FGF13: variants seen among roughly 807,000 people sequenced by gnomAD.
FGF13 encodes fibroblast growth factor homologous factor 2.
In FGF13, 2 loss-of-function variants were observed where a neutral mutation model predicts 19.5. The observed-to-expected ratio is 0.10, with a 90% confidence interval of 0.04 to 0.32. FGF13 has a LOEUF of 0.32. FGF13 is among the 10% of genes least tolerant of loss of function. The probability of loss-of-function intolerance (pLI) is 1.00; values close to 1 mark genes in which losing one functional copy is unlikely to be tolerated. For missense variants in FGF13, 113 were observed against 192.7 expected (o/e 0.59, Z 2.45); for synonymous variants, 72 against 76.9 (o/e 0.94, Z 0.33).
chrX:138,952,305 C>T (rs1238431889), intron 1 of FGF13, among the ~76,000 whole-genome samples: 1 of 111,409 alleles, frequency 9.0e-6, no homozygotes, highest in African/African-American at 3.3e-5. Flanking sequence ...TTTGACAAAC[C>T]TGACAAAAAC....
intron 1 of FGF13, among the ~76,000 whole-genome samples, chrX:138,918,092 ATAG>A (rs1196180656): frequency 9.0e-6 from 1 of 110,603 alleles, no homozygotes; most frequent in African/African-American, 3.3e-5. Context: ...ATACCAACAG[ATAG>A]TTTAACCATT....
chrX:138,927,414 G>A (rs2091679504), intron 1 of FGF13, among the ~76,000 whole-genome samples: 1 of 111,552 alleles, frequency 9.0e-6, no homozygotes, highest in African/African-American at 3.3e-5. Flanking sequence ...TGTGCTCCAT[G>A]AAATAGACCA....
chrX:139,137,057 G>T (rs2083806957), intron 1 of FGF13, among the ~76,000 whole-genome samples: 1 of 111,733 alleles, frequency 8.9e-6, no homozygotes, highest in Non-Finnish European at 1.9e-5. Flanking sequence ...ATTTAGATAG[G>T]TCATTCACCT....
intron 1 of FGF13, among the ~76,000 whole-genome samples, chrX:138,995,641 G>A (rs182221201): frequency 3.1e-4 from 35 of 112,350 alleles, no homozygotes; most frequent in Middle Eastern, 4.6e-3. Flanking sequence ...AGACATGATC[G>A]CATTTTTTAT....
At chrX:138,688,241 G>A (rs1388149708) in intron 3 of FGF13, among the ~76,000 whole-genome samples, 1 of 110,286 alleles carries the variant, frequency 9.1e-6, no homozygotes, top group Non-Finnish European at 1.9e-5. Flanking sequence ...GGGATTACAG[G>A]CATGAGCCAC....
chrX:138,805,421 CA>C (rs2090858840), intron 3 of FGF13, among the ~76,000 whole-genome samples: 1 of 111,481 alleles, frequency 9.0e-6, no homozygotes, highest in African/African-American at 3.3e-5. Context: ...AATCTAACTA[CA>C]AAAATGGCTG....
intron 1 of FGF13, among the ~76,000 whole-genome samples, chrX:138,871,296 A>C (rs1383686715): frequency 8.9e-6 from 1 of 112,075 alleles, no homozygotes; most frequent in Non-Finnish European, 1.9e-5. Flanking sequence ...ACCTTTCAAC[A>C]TTCTTCCAAC....
At chrX:138,773,363 T>C (rs1426940375) in intron 3 of FGF13, among the ~76,000 whole-genome samples, 1 of 111,878 alleles carries the variant, frequency 8.9e-6, no homozygotes, top group Non-Finnish European at 1.9e-5. Context: ...GGAGCAAAGG[T>C]GGACTTGACA....
At chrX:138,842,718 G>T (rs951565709) in intron 3 of FGF13, among the ~76,000 whole-genome samples, 2 of 110,864 alleles carry the variant, frequency 1.8e-5, no homozygotes, top group African/African-American at 3.3e-5. Context: ...AGGATGGGGT[G>T]CTACTGGCAT....
At chrX:138,931,179 C>T (rs1013792354) in intron 1 of FGF13, among the ~76,000 whole-genome samples, 10 of 112,112 alleles carry the variant, frequency 8.9e-5, no homozygotes, top group African/African-American at 3.2e-4. Flanking sequence ...ACCAGAATAC[C>T]TGTGCACTGG....
At chrX:138,649,894 C>T (rs113610770) in intron 3 of FGF13, among the ~76,000 whole-genome samples, 1,746 of 112,247 alleles carry the variant, frequency 0.016, 24 homozygotes, top group Admixed American at 0.053. Flanking sequence ...GGTATCACCT[C>T]TGGCTGACTT....
At chrX:138,820,461 G>A (rs1416201790) in intron 3 of FGF13, among the ~76,000 whole-genome samples, 1 of 111,727 alleles carries the variant, frequency 9.0e-6, no homozygotes, top group Non-Finnish European at 1.9e-5. Context: ...TTGGGTTTGG[G>A]GTCATTAAGT....
chrX:138,900,405 C>T (rs998999965), intron 1 of FGF13, among the ~76,000 whole-genome samples: 3 of 110,670 alleles, frequency 2.7e-5, no homozygotes, highest in Non-Finnish European at 5.7e-5. Context: ...AGGTACTATC[C>T]AGGAACACAG....
At chrX:138,870,494 C>T (rs1464433278) in intron 1 of FGF13, among the ~76,000 whole-genome samples, 1 of 111,882 alleles carries the variant, frequency 8.9e-6, no homozygotes, top group South Asian at 3.8e-4. Context: ...TATTTGTCTG[C>T]GTATCTCTGA....
At position 139,155,357 on chromosome X, in the gene FGF13, C is replaced by A. The variant is rs748936549; in HGVS notation, c.-113+48059G>T. Among the ~76,000 whole-genome samples, 4 of 111,893 alleles carry A rather than the reference C, an allele frequency of 3.6e-5. No homozygotes were observed. In the East Asian group the frequency reaches 1.1e-3, roughly 32 times the overall value. On this transcript the variant is annotated intron_variant, in intron 1 of 2. Transcript: ENST00000421460. The stretch of plus-strand genomic sequence containing the variant: ...GGGATCTCTAATTTACATGCAATAA[C>A]ATGAGACCCAGCACTGAAGACGCTT...
intron 3 of FGF13, among the ~76,000 whole-genome samples, chrX:138,690,960 T>C (rs1353158225): frequency 3.6e-5 from 4 of 111,446 alleles, no homozygotes; most frequent in African/African-American, 1.3e-4. Context: ...TGGATCAACA[T>C]GATCATGGTT....
At chrX:138,741,674 AT>A (rs774808276), upstream of FGF13, among the ~76,000 whole-genome samples, 1 of 111,384 alleles carries the variant, frequency 9.0e-6, no homozygotes, top group East Asian at 2.9e-4. Flanking sequence ...ATTCACACAA[AT>A]TTGTCAATTT....
chrX:138,643,207 A>G (rs1396393932), intron 3 of FGF13, among the ~76,000 whole-genome samples: 1 of 112,026 alleles, frequency 8.9e-6, no homozygotes, highest in African/African-American at 3.2e-5. Context: ...AGTCCTCTAT[A>G]CTGAATTGTT....
chrX:139,051,732 C>G lies in FGF13; in HGVS notation c.-113+151684G>C, dbSNP rs761434917. Among the ~76,000 whole-genome samples, 26 of 112,787 alleles carry G rather than the reference C, an allele frequency of 2.3e-4. No homozygotes were observed. The East Asian group carries it at 7.0e-3, about 30-fold the overall frequency. ...CAGTCAAAGGGCATTTTTCCACCCA[C>G]TAGCAGTCTGCCTGTGCAGTTTCTC... On this transcript the variant is annotated intron_variant, in intron 1 of 2. Transcript: ENST00000421460.
Sources: gnomAD v4.1 joint callset for allele counts (sites outside exome capture counted in the v4.1 genomes callset) on GRCh38, gnomAD v4.1.1 for gene constraint, MANE v1.5 for transcripts, NCBI Gene and HGNC (gene_info 2026-07-23, HGNC 2026-07-21) for gene names.